Variants in SLMAP observed in about 807,000 individuals in gnomAD.
The protein encoded by SLMAP is sarcolemma associated protein.
In SLMAP, 44 loss-of-function variants were observed where a neutral mutation model predicts 128.8. The ratio of observed to expected loss-of-function variants is 0.34; its 90% CI spans 0.27 to 0.44. The LOEUF is 0.44. Ranked by LOEUF, SLMAP falls within the 20% of genes least tolerant of loss-of-function variation. The probability of loss-of-function intolerance (pLI) is 1.00; values close to 1 mark genes in which losing one functional copy is unlikely to be tolerated. For missense variants in SLMAP, 787 were observed against 985.3 expected (o/e 0.80, Z 2.69); for synonymous variants, 327 against 348.8 (o/e 0.94, Z 0.70).
chr3:57,885,357 A>G (rs1488241088), intron 14 of SLMAP, among the ~76,000 whole-genome samples: 2 of 150,646 alleles, frequency 1.3e-5, no homozygotes, highest in Admixed American at 6.6e-5. Context: ...GGCGTGAGCC[A>G]CTGCACCCAG....
intron 14 of SLMAP, among the ~76,000 whole-genome samples, chr3:57,880,835 T>C (rs1364947590): frequency 6.6e-6 from 1 of 151,694 alleles, no homozygotes; most frequent in African/African-American, 2.4e-5. Context: ...CAGTGAGCCA[T>C]AATTGCAACA....
At chr3:57,809,658 C>T (rs1361104357) in intron 2 of SLMAP, among the ~76,000 whole-genome samples, 7 of 152,168 alleles carry the variant, frequency 4.6e-5, no homozygotes, top group African/African-American at 2.4e-5. Flanking sequence ...CAGACAGAAG[C>T]GGGAACTTGT....
intron 4 of SLMAP, among the ~76,000 whole-genome samples, chr3:57,846,089 C>T (rs1489447758): frequency 6.6e-6 from 1 of 152,200 alleles, no homozygotes; most frequent in Non-Finnish European, 1.5e-5. Context: ...ATCCGCCCAC[C>T]TTGGCCTCCC....
intron 2 of SLMAP, among the ~76,000 whole-genome samples, chr3:57,788,313 T>C (rs1311493007): frequency 3.9e-5 from 6 of 152,226 alleles, no homozygotes; most frequent in African/African-American, 1.4e-4. Flanking sequence ...TAGAATCACA[T>C]GCTTAAATCT....
At chr3:57,864,332 G>A (rs555692043) in intron 10 of SLMAP, among the ~76,000 whole-genome samples, 28 of 152,018 alleles carry the variant, frequency 1.8e-4, no homozygotes, top group Admixed American at 1.1e-3. Flanking sequence ...ACTCGAACCC[G>A]GGAGGCGGAG....
chr3:57,888,092 T>C (rs74438894), intron 14 of SLMAP, among the ~76,000 whole-genome samples: 1 of 152,304 alleles, frequency 6.6e-6, no homozygotes, highest in East Asian at 1.9e-4. Flanking sequence ...GGATATGTTA[T>C]AAGAAAACAG....
At chr3:57,840,667 T>C (rs998838258) in intron 3 of SLMAP, among the ~76,000 whole-genome samples, 21 of 152,338 alleles carry the variant, frequency 1.4e-4, no homozygotes, top group South Asian at 1.0e-3. Context: ...TGTACTGATG[T>C]CATTTTGGGG....
rs530283557 is a variant in SLMAP at position 57,812,164 on chromosome 3, CT to C, written c.199-19215del. Among the ~76,000 whole-genome samples, 10 of 152,172 alleles carry C rather than the reference CT, an allele frequency of 6.6e-5. No individual in the cohort carries two copies. In the East Asian group the frequency reaches 1.9e-3, roughly 29 times the overall value. The stretch of plus-strand genomic sequence containing the variant: ...CACTGCCAAATCCAATGTTGTGAAG[CT>C]TTTGCGCTATGTTTTCTTTTAAGAA... On this transcript the variant is annotated intron_variant, in intron 2 of 24. Coordinates refer to ENST00000671191, the MANE Select transcript of SLMAP (RefSeq NM_001377540.1).
At chr3:57,922,283 T>C (rs1379257428) in intron 22 of SLMAP, among the ~76,000 whole-genome samples, 1 of 152,200 alleles carries the variant, frequency 6.6e-6, no homozygotes, top group Non-Finnish European at 1.5e-5. Context: ...TTTGAAATTT[T>C]CCTTTTCTCC....
At chr3:57,906,363 T>A (rs2096563999) in intron 17 of SLMAP, among the ~76,000 whole-genome samples, 1 of 138,300 alleles carries the variant, frequency 7.2e-6, no homozygotes, top group African/African-American at 2.6e-5. Flanking sequence ...TCGCCCAGGC[T>A]GGAGTGCAGT....
intron 23 of SLMAP, among the ~76,000 whole-genome samples, chr3:57,925,620 G>A (rs1303768459): frequency 2.0e-5 from 3 of 152,044 alleles, no homozygotes; most frequent in African/African-American, 4.8e-5. Flanking sequence ...TGAGCCTAAC[G>A]GTTCCTAGCT....
At position 57,757,717 on chromosome 3, in the gene SLMAP, C is replaced by T; in HGVS notation, c.66C>T (p.Val22=). The T allele has an allele frequency of 6.2e-7, 1 of 1,614,172 alleles. No individual in the cohort carries two copies. Among genetic ancestry groups the T allele is most frequent in the Non-Finnish European group, 8.5e-7 (1 of 1,180,028 alleles). The change falls in exon 2 of 25, where the codon GTC becomes GTT. Residue 22 remains valine, a synonymous_variant. Transcript: ENST00000671191. ...PNSHPFQERH[V]YLDEPIKIGR... ...CGCACCCGTTTCAGGAGCGTCATGTCTACCTGGACGAGCCCATCAAAATCG... is the reference window on the plus strand; with the variant it reads ...CGCACCCGTTTCAGGAGCGTCATGTTTACCTGGACGAGCCCATCAAAATCG...
At chr3:57,774,557 C>G (rs1485526976) in intron 2 of SLMAP, among the ~76,000 whole-genome samples, 1 of 151,338 alleles carries the variant, frequency 6.6e-6, no homozygotes, top group Non-Finnish European at 1.5e-5. Flanking sequence ...CGAAGTCTTA[C>G]TCTGTCCCCC....
chr3:57,896,567 GA>G lies in SLMAP; in HGVS notation c.1423del (p.Ser475AlafsTer15). On this transcript the variant is annotated frameshift_variant, in exon 16 of 25. Transcript: ENST00000671191. LOFTEE classifies it high-confidence loss of function. Reference protein sequence around the residue: ...DFSDTLSPSKEKSSDDTTDAQ... With the variant: ...DFSDTLSPSKXKSSDDTTDAQ... Reference sequence around the variant, plus strand: ...TTCAGATACTCTGAGTCCAAGCAAGGAAAAAAGCAGTGACGACACTACAGGT... The same window carrying G: ...TTCAGATACTCTGAGTCCAAGCAAGGAAAAAGCAGTGACGACACTACAGGT... The G allele has an allele frequency of 1.9e-6, 3 of 1,608,994 alleles. No individual in the cohort carries two copies. The highest frequency in any genetic ancestry group is 1.1e-5 in the South Asian group (1 of 89,994).
intron 24 of SLMAP, among the ~76,000 whole-genome samples, chr3:57,926,617 T>C (rs568579997): frequency 6.6e-6 from 1 of 152,330 alleles, no homozygotes. Context: ...AAGTTGATCT[T>C]ATAAAGCCCT....
chr3:57,850,183 G>T (rs2094449996), intron 6 of SLMAP, among the ~76,000 whole-genome samples: 1 of 151,974 alleles, frequency 6.6e-6, no homozygotes, highest in African/African-American at 2.4e-5. Context: ...CTGAAGAAAA[G>T]AAGGGCAGAA....
At chr3:57,908,097 T>G in intron 18 of SLMAP, 91 bp downstream of exon 18, 2 of 1,219,230 alleles carry the variant, frequency 1.6e-6, no homozygotes, top group Non-Finnish European at 2.3e-6. Flanking sequence ...GGAGGCATGT[T>G]CCAGATTCAC....
chr3:57,789,316 A>G (rs1185307250), intron 2 of SLMAP, among the ~76,000 whole-genome samples: 1 of 152,168 alleles, frequency 6.6e-6, no homozygotes, highest in Non-Finnish European at 1.5e-5. Flanking sequence ...CTCTGAATAC[A>G]GCATGGGCAA....
At chr3:57,842,798 A>G (rs2094003204) in intron 4 of SLMAP, among the ~76,000 whole-genome samples, 2 of 152,196 alleles carry the variant, frequency 1.3e-5, no homozygotes, top group Non-Finnish European at 2.9e-5. Flanking sequence ...TTTTGCTGCC[A>G]ATATAGTTAT....
Sources: gnomAD v4.1 joint callset for allele counts (sites outside exome capture counted in the v4.1 genomes callset) on GRCh38, gnomAD v4.1.1 for gene constraint, MANE v1.5 for transcripts, NCBI Gene and HGNC (gene_info 2026-07-23, HGNC 2026-07-21) for gene names.